The following CYTH1 variants were observed in gnomAD, a reference collection of about 807,000 sequenced individuals.
The protein encoded by CYTH1 is cytohesin-1.
In CYTH1, 18 loss-of-function variants were observed where a neutral mutation model predicts 61.8. The ratio of observed to expected loss-of-function variants is 0.29; its 90% confidence interval spans 0.20 to 0.43. CYTH1 has a LOEUF of 0.43. Among genes scored for constraint, CYTH1 ranks in the 20% least tolerant of loss-of-function variants. The probability of loss-of-function intolerance (pLI) is 1.00; values close to 1 mark genes in which losing one functional copy is unlikely to be tolerated. For synonymous variants in CYTH1, 174 were observed against 184.3 expected (o/e 0.94, Z 0.45); for missense variants, 336 against 510.5 (o/e 0.66, Z 3.29).
intron 1 of CYTH1, among the ~76,000 whole-genome samples, chr17:78,720,110 G>A (rs909569039): frequency 3.3e-5 from 5 of 152,090 alleles, no homozygotes; most frequent in African/African-American, 1.2e-4. Flanking sequence ...GGGAGTGGGA[G>A]AATGAAGGTT....
At chr17:78,726,885 A>G (rs1249932913) in intron 1 of CYTH1, among the ~76,000 whole-genome samples, 2 of 152,196 alleles carry the variant, frequency 1.3e-5, no homozygotes, top group African/African-American at 4.8e-5. Context: ...TAGCAAAGAA[A>G]TAAGTGGTTT....
intron 1 of CYTH1, among the ~76,000 whole-genome samples, chr17:78,768,610 A>T (rs981318992): frequency 6.6e-6 from 1 of 151,700 alleles, no homozygotes; most frequent in Non-Finnish European, 1.5e-5. Flanking sequence ...AAATCCATCA[A>T]TTTCATGTCC....
At chr17:78,677,288 G>A (rs556545991) in intron 13 of CYTH1, 1 of 360,260 alleles carries the variant, frequency 2.8e-6, no homozygotes, top group African/African-American at 2.1e-5. Context: ...GGTAAGCTGG[G>A]GGGTTCTGCA....
At chr17:78,756,953 C>T (rs1490360572) in intron 1 of CYTH1, among the ~76,000 whole-genome samples, 1 of 149,638 alleles carries the variant, frequency 6.7e-6, no homozygotes, top group Non-Finnish European at 1.5e-5. Flanking sequence ...ATTCACAAGG[C>T]GGAATTTCAA....
In CYTH1 at chr17:78,692,330, G is replaced by T. The variant is rs530348364; in HGVS notation, c.891+87C>A. 4 of 1,348,610 alleles carry T rather than the reference G, an allele frequency of 3.0e-6. No homozygotes were observed. In the African/African-American group the frequency reaches 5.8e-5, roughly 20 times the overall value. The allele number at this position is 1,348,610 out of a possible 1,614,324, so 83.5% of individuals were successfully genotyped here. On this transcript the variant is annotated intron_variant, in intron 11 of 13. Transcript: ENST00000446868. Reference sequence around the variant, plus strand: ...ACAGATACTGAAGGGCAAATCCAACGGTCTCCTCAACCATGTCTGATTAGA... The same window carrying T: ...ACAGATACTGAAGGGCAAATCCAACTGTCTCCTCAACCATGTCTGATTAGA...
Position 78,679,720 on chromosome 17 carries a change from C to T in CYTH1, c.1118+470G>A, listed in dbSNP as rs563196917. ...CCCTGAGGAAGCTTCTCCCTCCTCC[C>T]GGACCTTGGATCACGGTATGTGACT... On this transcript the variant is annotated intron_variant, in intron 13 of 13. Transcript: ENST00000446868. 6.6e-5 allele frequency among the ~76,000 whole-genome samples: 10 copies of T among 152,288 alleles called. No individual in the cohort carries two copies. The South Asian group carries it at 8.3e-4, about 13-fold the overall frequency.
At chr17:78,722,128 G>C (rs2144542039) in intron 1 of CYTH1, among the ~76,000 whole-genome samples, 1 of 152,312 alleles carries the variant, frequency 6.6e-6, no homozygotes, top group East Asian at 1.9e-4. Flanking sequence ...TTTCAAGGTA[G>C]TAACAGAACC....
At chr17:78,760,155 G>T (rs955149351) in intron 1 of CYTH1, among the ~76,000 whole-genome samples, 1 of 151,478 alleles carries the variant, frequency 6.6e-6, no homozygotes, top group Non-Finnish European at 1.5e-5. Flanking sequence ...CTTTAAAAGG[G>T]AAGGCTAAAC....
At chr17:78,760,738 T>A (rs1364055554) in intron 1 of CYTH1, among the ~76,000 whole-genome samples, 1 of 151,364 alleles carries the variant, frequency 6.6e-6, no homozygotes, top group Admixed American at 6.6e-5. Context: ...ACAAAAAGCA[T>A]CATATACTTA....
At chr17:78,760,355 T>TTATATATATA (rs370393556) in intron 1 of CYTH1, among the ~76,000 whole-genome samples, 731 of 52,008 alleles carry the variant, frequency 0.014, 23 homozygotes, top group Middle Eastern at 0.025. Context: ...AATAGCAGGT[T>TTATATATATA]TATATATATA....
chr17:78,690,719 C>T (rs1232049221), intron 11 of CYTH1, among the ~76,000 whole-genome samples: 1 of 151,974 alleles, frequency 6.6e-6, no homozygotes. Context: ...AAGTATTTTT[C>T]TCTGTATTTC....
chr17:78,710,790 A>G (rs2093120729), intron 1 of CYTH1, among the ~76,000 whole-genome samples: 1 of 152,186 alleles, frequency 6.6e-6, no homozygotes, highest in Non-Finnish European at 1.5e-5. Flanking sequence ...TGTTCCCTCC[A>G]TGGCACAGCA....
chr17:78,733,398 G>A (rs1442303837), intron 1 of CYTH1, among the ~76,000 whole-genome samples: 3 of 152,106 alleles, frequency 2.0e-5, no homozygotes, highest in Admixed American at 6.5e-5. Context: ...AATCTACCTC[G>A]GGTACACTAC....
chr17:78,737,960 G>A (rs905527224), intron 1 of CYTH1, among the ~76,000 whole-genome samples: 1 of 151,872 alleles, frequency 6.6e-6, no homozygotes, highest in Non-Finnish European at 1.5e-5. Context: ...TTTCATGACT[G>A]TAAATGGACA....
At chr17:78,718,851 TCTTTC>T (rs1390094187) in intron 1 of CYTH1, among the ~76,000 whole-genome samples, 1 of 152,222 alleles carries the variant, frequency 6.6e-6, no homozygotes, top group African/African-American at 2.4e-5. Flanking sequence ...ATGCCAAATG[TCTTTC>T]CTTTATCTGC....
intron 1 of CYTH1, among the ~76,000 whole-genome samples, chr17:78,769,278 A>C (rs1182077813): frequency 6.6e-6 from 1 of 151,320 alleles, no homozygotes; most frequent in Non-Finnish European, 1.5e-5. Flanking sequence ...CCATTTCTCT[A>C]ACCCTGCCTC....
chr17:78,751,121 C>G (rs1357333162), intron 1 of CYTH1, among the ~76,000 whole-genome samples: 1 of 152,046 alleles, frequency 6.6e-6, no homozygotes, highest in Non-Finnish European at 1.5e-5. Flanking sequence ...ATAGCTGGAA[C>G]CATGGGCGCA....
At chr17:78,689,654 C>T (rs1411718656) in intron 11 of CYTH1, among the ~76,000 whole-genome samples, 1 of 152,138 alleles carries the variant, frequency 6.6e-6, no homozygotes, top group African/African-American at 2.4e-5. Flanking sequence ...GTTGAGGACC[C>T]CTGTATTTGG....
At position 78,746,813 on chromosome 17, in the gene CYTH1, G is replaced by A. The variant is rs538645628; in HGVS notation, c.22+35389C>T. Among the ~76,000 whole-genome samples the A allele has an allele frequency of 2.6e-5, 4 of 152,056 alleles. No homozygotes were observed. The East Asian group carries it at 5.8e-4, about 22-fold the overall frequency. ...AAAAATTAGCTGGCTGTGGTGGTGC[G>A]TGCCTGTAGTCTCAGCTACTTCAGA... On this transcript the variant is annotated intron_variant, in intron 1 of 13. Coordinates refer to ENST00000446868, the MANE Select transcript of CYTH1 (RefSeq NM_004762.6).
Sources: allele counts gnomAD v4.1 joint callset (sites outside exome capture counted in the v4.1 genomes callset), GRCh38; gene constraint gnomAD v4.1.1; transcripts MANE v1.5; gene names NCBI Gene and HGNC (gene_info 2026-07-23, HGNC 2026-07-21).